LUZP2: variants seen among roughly 807,000 people sequenced by gnomAD.
LUZP2 encodes the protein leucine zipper protein 2.
In LUZP2, 52 loss-of-function variants were observed where a neutral mutation model predicts 51.6. The ratio of observed to expected loss-of-function variants is 1.01; its 90% CI spans 0.81 to 1.27. LUZP2 has a LOEUF of 1.27. LUZP2 is among the 50% of genes most tolerant of loss of function. The probability of loss-of-function intolerance (pLI) is 0.00; values close to 1 mark genes in which losing one functional copy is unlikely to be tolerated. For synonymous variants in LUZP2, 154 were observed against 137.3 expected (o/e 1.12, Z -0.85); for missense variants, 436 against 395.4 (o/e 1.10, Z -0.87).
chr11:24,579,327 C>A (rs1230348197), intron 1 of LUZP2, among the ~76,000 whole-genome samples: 1 of 151,788 alleles, frequency 6.6e-6, no homozygotes, highest in African/African-American at 2.4e-5. Context: ...ATAAATAGAA[C>A]CTATTTTGAA....
chr11:24,958,713 C>A (rs1474713523), intron 7 of LUZP2, among the ~76,000 whole-genome samples: 1 of 152,126 alleles, frequency 6.6e-6, no homozygotes, highest in East Asian at 1.9e-4. Flanking sequence ...TGCCTGTTCA[C>A]TCTGATGTTA....
chr11:25,041,563 C>T (rs145823411), intron 9 of LUZP2, among the ~76,000 whole-genome samples: 1 of 152,094 alleles, frequency 6.6e-6, no homozygotes, highest in African/African-American at 2.4e-5. Flanking sequence ...AAGTGCTTAC[C>T]AATCAGCTGA....
At chr11:25,062,735 G>A (rs2134042487) in intron 10 of LUZP2, among the ~76,000 whole-genome samples, 1 of 149,048 alleles carries the variant, frequency 6.7e-6, no homozygotes, top group African/African-American at 2.5e-5. Flanking sequence ...TTTTATTTTT[G>A]TCAGTTTTAT....
At chr11:24,785,510 T>A (rs926566990) in intron 5 of LUZP2, among the ~76,000 whole-genome samples, 1 of 151,820 alleles carries the variant, frequency 6.6e-6, no homozygotes, top group Non-Finnish European at 1.5e-5. Context: ...TGATACTTAC[T>A]TGGGAATATT....
intron 1 of LUZP2, among the ~76,000 whole-genome samples, chr11:24,544,706 C>T (rs891352484): frequency 6.6e-6 from 1 of 151,990 alleles, no homozygotes; most frequent in African/African-American, 2.4e-5. Flanking sequence ...AGGTTAATTC[C>T]ATGTCTTTAC....
chr11:24,764,154 A>C (rs1422843476), intron 5 of LUZP2, among the ~76,000 whole-genome samples: 1 of 152,222 alleles, frequency 6.6e-6, no homozygotes, highest in East Asian at 1.9e-4. Context: ...GATTAAAGTC[A>C]GTTTTAAAAT....
intron 7 of LUZP2, among the ~76,000 whole-genome samples, chr11:24,965,296 T>G (rs181637376): frequency 1.4e-4 from 21 of 149,484 alleles, no homozygotes; most frequent in African/African-American, 4.7e-4. Flanking sequence ...TCACCTGGCC[T>G]AAAAGTAAAT....
chr11:24,763,781 T>G (rs1344260199), intron 5 of LUZP2, among the ~76,000 whole-genome samples: 1 of 152,180 alleles, frequency 6.6e-6, no homozygotes, highest in African/African-American at 2.4e-5. Flanking sequence ...AGCATCCTAT[T>G]AAATACTGCA....
intron 1 of LUZP2, among the ~76,000 whole-genome samples, chr11:24,704,489 A>T (rs991096954): frequency 1.3e-5 from 2 of 151,536 alleles, no homozygotes; most frequent in African/African-American, 4.8e-5. Context: ...GCTTTGACAT[A>T]TTTTTGTGTG....
At chr11:24,962,258 A>G (rs1293798377) in intron 7 of LUZP2, among the ~76,000 whole-genome samples, 2 of 151,760 alleles carry the variant, frequency 1.3e-5, no homozygotes, top group Non-Finnish European at 3.0e-5. Flanking sequence ...GTAGAAGAGC[A>G]ACTCCTACTT....
At chr11:24,630,564 C>T (rs537597533) in intron 1 of LUZP2, among the ~76,000 whole-genome samples, 1 of 151,852 alleles carries the variant, frequency 6.6e-6, no homozygotes, top group South Asian at 2.1e-4. Flanking sequence ...ACATTAATGC[C>T]AGTATCATAC....
intron 1 of LUZP2, among the ~76,000 whole-genome samples, chr11:24,603,864 T>TA (rs1041759483): frequency 1.3e-5 from 2 of 151,734 alleles, no homozygotes. Flanking sequence ...TATAATCACC[T>TA]AAAAAAAGTC....
At chr11:24,760,681 G>A (rs1859947149) in intron 4 of LUZP2, among the ~76,000 whole-genome samples, 1 of 152,162 alleles carries the variant, frequency 6.6e-6, no homozygotes, top group Admixed American at 6.5e-5. Context: ...AGTGTTAACA[G>A]GTGTTGTAAA....
At chr11:24,932,636 T>C (rs1352755082) in intron 7 of LUZP2, among the ~76,000 whole-genome samples, 1 of 152,138 alleles carries the variant, frequency 6.6e-6, no homozygotes, top group Non-Finnish European at 1.5e-5. Flanking sequence ...AAAAGGCTGC[T>C]CTCACTCTCA....
In LUZP2 at chr11:25,060,193, G is replaced by A. The variant is rs530922702; in HGVS notation, c.858+10063G>A. 9.9e-5 allele frequency among the ~76,000 whole-genome samples: 15 copies of A among 152,228 alleles called. 2 individuals are homozygous for A. The South Asian group carries it at 3.1e-3, about 32-fold the overall frequency. On this transcript the variant is annotated intron_variant, in intron 10 of 11. Transcript: ENST00000336930. ...TTGCTATAACAAAACACCATAGACT[G>A]GGTGGTTTATAAATAATAGAAAATT...
intron 5 of LUZP2, among the ~76,000 whole-genome samples, chr11:24,876,200 A>G (rs970203428): frequency 2.7e-5 from 4 of 148,512 alleles, no homozygotes; most frequent in Admixed American, 6.7e-5. Context: ...GGTAATGCCT[A>G]GGTTTTCTTC....
intron 9 of LUZP2, among the ~76,000 whole-genome samples, chr11:25,006,780 A>G (rs961134821): frequency 6.6e-6 from 1 of 152,162 alleles, no homozygotes; most frequent in Non-Finnish European, 1.5e-5. Flanking sequence ...GAATGAAGCC[A>G]TAGACCCATG....
At chr11:24,971,670 C>T (rs1379420753) in intron 7 of LUZP2, among the ~76,000 whole-genome samples, 1 of 152,100 alleles carries the variant, frequency 6.6e-6, no homozygotes, top group African/African-American at 2.4e-5. Context: ...ATAATTATGG[C>T]TACTCTGTAT....
At chr11:24,914,428 T>C (rs371507468) in intron 6 of LUZP2, 48 bp from the exon 7 acceptor site, 2 of 1,371,604 alleles carry the variant, frequency 1.5e-6, no homozygotes, top group Non-Finnish European at 2.1e-6. Context: ...TCTTCAAGTT[T>C]GAAAATATAA....
Sources: gnomAD v4.1 joint callset for allele counts (sites outside exome capture counted in the v4.1 genomes callset) on GRCh38, gnomAD v4.1.1 for gene constraint, MANE v1.5 for transcripts, NCBI Gene and HGNC (gene_info 2026-07-23, HGNC 2026-07-21) for gene names.